The following ABCA8 variants were observed in gnomAD, a reference collection of about 807,000 sequenced individuals.
The protein encoded by ABCA8 is ABC-type organic anion transporter ABCA8.
Under a neutral mutation model 192.3 loss-of-function variants are expected in ABCA8, and 177 were observed. The ratio of observed to expected loss-of-function variants is 0.92; its 90% confidence interval spans 0.81 to 1.04. The LOEUF (loss-of-function observed/expected upper bound fraction) is 1.04. Ranked by LOEUF, ABCA8 falls within the 50% of genes least tolerant of loss-of-function variation. ABCA8 has a pLI of 0.00. For synonymous variants in ABCA8, 642 were observed against 690.2 expected (o/e 0.93, Z 1.09); for missense variants, 1,915 against 1,904.8 (o/e 1.01, Z -0.10).
Position 68,907,795 on chromosome 17 carries a change from T to C in ABCA8, c.2223A>G (p.Lys741=), listed in dbSNP as rs1166292939. The part of the protein sequence containing the change: ...QHIPDAKLSA[K]SEGKLIYTLP... ...ATGTATAAATAAGTTTTCCTTCGCT[T>C]TTGGCTGATAATTTGGCATCAGGGA... The change falls in exon 18 of 40, where the codon AAA becomes AAG. Residue 741 remains lysine (K), a synonymous_variant. Transcript: ENST00000586539. 2 of 1,610,112 alleles carry C rather than the reference T, an allele frequency of 1.2e-6. No individual in the cohort carries two copies. Among genetic ancestry groups the C allele is most frequent in the Non-Finnish European group, 1.7e-6 (2 of 1,178,290 alleles).
intron 24 of ABCA8, among the ~76,000 whole-genome samples, chr17:68,890,396 C>T (rs2066594725): frequency 6.6e-6 from 1 of 152,132 alleles, no homozygotes; most frequent in South Asian, 2.1e-4. Flanking sequence ...TTAGGTTATC[C>T]TCTATTACAG....
intron 12 of ABCA8, 45 bp downstream of exon 12, chr17:68,922,190 CTCTCTTT>C: frequency 1.6e-6 from 1 of 639,488 alleles, no homozygotes; most frequent in East Asian, 6.9e-5. Context: ...TTCTTTCTCT[CTCTCTTT>C]TTTTTTTTTT....
At chr17:68,912,455 G>A (rs1320794423) in intron 17 of ABCA8, among the ~76,000 whole-genome samples, 1 of 151,962 alleles carries the variant, frequency 6.6e-6, no homozygotes, top group African/African-American at 2.4e-5. Flanking sequence ...ATCTAAAAAA[G>A]AGCCTCCAAA....
Position 68,903,387 on chromosome 17 carries a change from A to G in ABCA8, c.2511T>C (p.Gly837=), listed in dbSNP as rs574410339. The G allele has an allele frequency of 1.2e-6, 2 of 1,614,230 alleles. No homozygotes were observed. The highest frequency in any genetic ancestry group is 1.7e-5 in the Admixed American group (1 of 60,032). ...SLNKMRKTIG[G]VALWRQQICA... ...AGATTTGCTGTCGCCAGAGAGCCAC[A>G]CCACCTATTGTCTTTCTCATCTTGT... is the stretch of plus-strand genomic sequence containing the variant. Residue 837 remains glycine (G), a synonymous_variant, in exon 20 of 40, where the codon GGT becomes GGC. Transcript: ENST00000586539.
At chr17:68,892,956 G>A (rs1438374503) in intron 23 of ABCA8, among the ~76,000 whole-genome samples, 1 of 152,124 alleles carries the variant, frequency 6.6e-6, no homozygotes, top group African/African-American at 2.4e-5. Flanking sequence ...GTTACAGTGA[G>A]CTATGATCCT....
At chr17:68,944,332 A>ATCTT (rs1479238742) in intron 2 of ABCA8, among the ~76,000 whole-genome samples, 1 of 61,826 alleles carries the variant, frequency 1.6e-5, no homozygotes, top group Admixed American at 1.4e-4. Flanking sequence ...ATATATATAT[A>ATCTT]TATATATATA....
intron 38 of ABCA8, 130 bp from the exon 39 acceptor site, chr17:68,868,486 A>C (rs2065970955): frequency 5.2e-6 from 4 of 766,138 alleles, no homozygotes; most frequent in East Asian, 2.7e-5. Context: ...TCATGTCTTA[A>C]GTACATCGTT....
intron 21 of ABCA8, among the ~76,000 whole-genome samples, chr17:68,897,462 AGT>A (rs1222757291): frequency 6.6e-6 from 1 of 152,252 alleles, no homozygotes; most frequent in East Asian, 1.9e-4. Flanking sequence ...AAAATAAGAA[AGT>A]GTCACTCTTA....
intron 35 of ABCA8, 27 bp from the exon 36 acceptor site, chr17:68,875,760 T>C (rs773310583): frequency 7.1e-5 from 114 of 1,595,692 alleles, no homozygotes; most frequent in Non-Finnish European, 9.3e-5. Context: ...TTATTTGCAA[T>C]TTAGGAAATC....
At position 68,868,184 on chromosome 17, in the gene ABCA8, C is replaced by A. The variant is rs2065962144; in HGVS notation, c.4768-1G>T. The A allele has an allele frequency of 6.2e-7, 1 of 1,612,480 alleles. No homozygotes were observed. Among genetic ancestry groups the A allele is most frequent in the Non-Finnish European group, 8.5e-7 (1 of 1,179,304 alleles). On this transcript the variant is annotated splice_acceptor_variant, in intron 39 of 39. Transcript: ENST00000586539. LOFTEE classifies it high-confidence loss of function. ...GCTCCTTGGAGAGCTCCAGGAAAAC[C>A]TGAAAGGGAGGAAGGAAATAAAGAG...
chr17:68,893,608 A>ATTCC (rs149361178), intron 23 of ABCA8, among the ~76,000 whole-genome samples: 8 of 144,984 alleles, frequency 5.5e-5, no homozygotes, highest in Non-Finnish European at 1.1e-4. Context: ...TCATTCGTTC[A>ATTCC]TTCCTTCCTT....
At position 68,875,622 on chromosome 17, in the gene ABCA8, C is replaced by T. The variant is rs748994095; in HGVS notation, c.4482G>A (p.Gly1494=). ...VCDRVAIMVS[G]RLRCIGSIQH... ...CCAGGACAGGCACTCACCTCAACCT[C>T]CCAGATACCATGATGGCCACTCGGT... is the stretch of plus-strand genomic sequence containing the variant. Residue 1494 remains glycine, a synonymous_variant, in exon 36 of 40, where the codon GGG becomes GGA. Transcript: ENST00000586539. 4 of 1,614,086 alleles carry T rather than the reference C, an allele frequency of 2.5e-6. No homozygotes were observed. Among genetic ancestry groups the T allele is most frequent in the Non-Finnish European group, 3.4e-6 (4 of 1,179,988 alleles).
intron 32 of ABCA8, among the ~76,000 whole-genome samples, chr17:68,880,445 G>A (rs891667468): frequency 6.6e-6 from 1 of 152,276 alleles, no homozygotes; most frequent in Admixed American, 6.5e-5. Context: ...CACAAACAGG[G>A]CTGAAACATG....
rs541402574 is a variant in ABCA8 at position 68,921,412 on chromosome 17, T to C, written c.1582A>G (p.Ile528Val). The change falls in exon 13 of 40, where the codon ATT becomes GTT. Residue 528 changes from isoleucine (I) to valine (V), a missense_variant. Physicochemically the swap from Ile to Val is conservative, Grantham distance 29. Coordinates refer to ENST00000586539, the MANE Select transcript of ABCA8 (RefSeq NM_001288985.2). ...SGAGKSTLLN[I>V]LSGLSVPTKG... Reference sequence around the variant, plus strand: ...GTGGGAACAGACAACCCACTAAGAATGTTTAGCAGTGTTGACTTTCCAGCT... The same window carrying C: ...GTGGGAACAGACAACCCACTAAGAACGTTTAGCAGTGTTGACTTTCCAGCT... 1.1e-5 allele frequency: 17 copies of C among 1,610,796 alleles called. No individual in the cohort carries two copies. Among genetic ancestry groups the C allele is most frequent in the Non-Finnish European group, 1.4e-5 (17 of 1,178,050 alleles).
At chr17:68,914,560 AT>A (rs910001692) in intron 17 of ABCA8, among the ~76,000 whole-genome samples, 5 of 152,160 alleles carry the variant, frequency 3.3e-5, no homozygotes, top group Admixed American at 2.0e-4. Context: ...TACAAATAAA[AT>A]AAGATACCTA....
At chr17:68,907,985 C>G in intron 17 of ABCA8, 106 bp from the exon 18 acceptor site, 1 of 1,086,004 alleles carries the variant, frequency 9.2e-7, no homozygotes, top group East Asian at 3.0e-5. Flanking sequence ...CAATTAAAAT[C>G]TAATGCCAGA....
At chr17:68,887,278 A>G (rs1301442976) in intron 25 of ABCA8, 58 bp downstream of exon 25, 2 of 1,471,886 alleles carry the variant, frequency 1.4e-6, no homozygotes, top group African/African-American at 1.4e-5. Context: ...CAAAATTTCA[A>G]ATTAAATCAC....
chr17:68,892,976 C>T (rs146598013), intron 23 of ABCA8, among the ~76,000 whole-genome samples: 3 of 152,214 alleles, frequency 2.0e-5, no homozygotes, highest in African/African-American at 7.2e-5. Context: ...TGCCACTGCA[C>T]TCCGGCTGGG....
chr17:68,884,377 AAG>A lies in ABCA8; in HGVS notation c.3567_3568del (p.Ser1191Ter), dbSNP rs765005744. The A allele has an allele frequency of 2.6e-5, 41 of 1,591,492 alleles. No homozygotes were observed. Among genetic ancestry groups the A allele is most frequent in the Non-Finnish European group, 3.2e-5 (37 of 1,172,458 alleles). ...CTGTACATCCATTCGTTCTTCAGAA[AAG>A]AGAGAAGAAAAGAGAAGCTGCAAAA... On this transcript the variant is annotated frameshift_variant, in exon 28 of 40. Transcript: ENST00000586539. LOFTEE classifies it high-confidence loss of function.
Sources: gnomAD v4.1 joint callset for allele counts (sites outside exome capture counted in the v4.1 genomes callset) on GRCh38, gnomAD v4.1.1 for gene constraint, MANE v1.5 for transcripts, NCBI Gene and HGNC (gene_info 2026-07-23, HGNC 2026-07-21) for gene names.